The following DZIP1L variants were observed in gnomAD, a reference collection of about 807,000 sequenced individuals.
DZIP1L encodes the protein DAZ interacting zinc finger protein 1 like, also known as cilium assembly protein DZIP1L.
Under a neutral mutation model 88.7 loss-of-function variants are expected in DZIP1L, and 90 were observed. That is an observed-to-expected ratio of 1.02 (90% CI 0.86 to 1.21). The LOEUF (loss-of-function observed/expected upper bound fraction) is 1.21. Ranked by LOEUF, DZIP1L falls within the 50% of genes most tolerant of loss-of-function variation. The pLI is 0.00. For synonymous variants in DZIP1L, 363 were observed against 372.1 expected, an observed-to-expected ratio of 0.98 and a Z score of 0.28; for missense variants, 932 against 955.8, an observed-to-expected ratio of 0.98 and a Z score of 0.33.
chr3:138,102,171 T>TC, intron 2 of DZIP1L: 7 of 1,373,138 alleles, frequency 5.1e-6, no homozygotes, highest in Non-Finnish European at 7.2e-6. Context: ...GTGACTGTTG[T>TC]CCATGGACAG....
At chr3:138,099,145 T>C (rs542880112) in intron 2 of DZIP1L, among the ~76,000 whole-genome samples, 1 of 152,294 alleles carries the variant, frequency 6.6e-6, no homozygotes, top group East Asian at 1.9e-4. Flanking sequence ...TAAAAAAGAA[T>C]GTATATTTGG....
In DZIP1L at chr3:138,095,714, G is replaced by A. The variant is rs568043035; in HGVS notation, c.587-731C>T. Among the ~76,000 whole-genome samples the A allele has an allele frequency of 6.6e-4, 101 of 152,110 alleles. 1 individual carries two copies. Among genetic ancestry groups the A allele is most frequent in the Admixed American group, 2.7e-3 (41 of 15,288 alleles). ...AAAGAATCGCTTGAACCCAGGAGGC[G>A]GAGGTTGCAGTGAGCCGAGATCGCA... On this transcript the variant is annotated intron_variant, in intron 3 of 15. Transcript: ENST00000327532.
intron 13 of DZIP1L, 123 bp from the exon 14 acceptor site, chr3:138,067,823 G>C: frequency 8.5e-7 from 1 of 1,177,280 alleles, no homozygotes; most frequent in Non-Finnish European, 1.1e-6. Flanking sequence ...CCTCCCTCAG[G>C]CCCAGAAGAC....
intron 11 of DZIP1L, among the ~76,000 whole-genome samples, chr3:138,074,132 C>A: frequency 6.6e-6 from 1 of 152,164 alleles, no homozygotes; most frequent in East Asian, 1.9e-4. Context: ...TTGAAAACAT[C>A]TTCGAGGGAA....
intron 1 of DZIP1L, among the ~76,000 whole-genome samples, chr3:138,110,032 A>G (rs1443721013): frequency 2.0e-5 from 3 of 152,242 alleles, no homozygotes; most frequent in Admixed American, 6.5e-5. Flanking sequence ...ATGTATACCT[A>G]TGTAACAAAC....
intron 8 of DZIP1L, among the ~76,000 whole-genome samples, chr3:138,082,929 C>T (rs562124735): frequency 3.2e-4 from 48 of 152,206 alleles, no homozygotes; most frequent in African/African-American, 2.9e-4. Context: ...GAAAGTGAAG[C>T]GGTAAACAAA....
chr3:138,088,193 A>T (rs1944034874), intron 6 of DZIP1L, among the ~76,000 whole-genome samples, 186 bp downstream of exon 6: 2 of 152,208 alleles, frequency 1.3e-5, no homozygotes, highest in South Asian at 4.1e-4. Context: ...CAAATCTGAC[A>T]TTGCACACAT....
rs538574418 is a variant in DZIP1L at position 138,071,779 on chromosome 3, G to T, written c.1479C>A (p.Val493=). The T allele has an allele frequency of 2.8e-5, 45 of 1,614,142 alleles. No individual in the cohort carries two copies. The South Asian group carries it at 4.9e-4, about 18-fold the overall frequency. Residue 493 remains valine (V), a synonymous_variant, in exon 12 of 16, where the codon GTC becomes GTA. Coordinates refer to ENST00000327532, the MANE Select transcript of DZIP1L (RefSeq NM_173543.3). ...TLRHLESLLR[V]QREQKARKFS... ...ACTTCCGGGCCTTCTGCTCCCGCTG[G>T]ACTCTCAGCAGGGATTCCAGGTGTC...
chr3:138,080,958 A>G (rs527775203), intron 9 of DZIP1L, among the ~76,000 whole-genome samples: 1 of 152,256 alleles, frequency 6.6e-6, no homozygotes, highest in African/African-American at 2.4e-5. Context: ...GCACATGTCT[A>G]TTATCAATGG....
Position 138,062,080 on chromosome 3 carries a change from A to G in DZIP1L, c.*736T>C, listed in dbSNP as rs1942737468. ...ATACAATGGCTATGTATAAAACCTG[A>G]TTTTGGAAATAATATCAAAAATTAC... On this transcript the variant is annotated 3_prime_UTR_variant, in exon 16 of 16. Transcript: ENST00000327532. The G allele has an allele frequency of 6.6e-6, 1 of 152,646 alleles. No homozygotes were observed. The highest frequency in any genetic ancestry group is 2.4e-5 in the African/African-American group (1 of 41,448). 9.5% of individuals were successfully genotyped at this position (152,646 alleles called of 1,614,324 possible).
At chr3:138,094,358 A>AAAAAAAG (rs1236811539) in intron 4 of DZIP1L, among the ~76,000 whole-genome samples, 1 of 152,218 alleles carries the variant, frequency 6.6e-6, no homozygotes, top group African/African-American at 2.4e-5. Context: ...CAAAACACAC[A>AAAAAAAG]AAAAAAGAAG....
intron 1 of DZIP1L, among the ~76,000 whole-genome samples, chr3:138,106,172 A>G (rs2042483013): frequency 9.0e-6 from 1 of 111,566 alleles, no homozygotes; most frequent in Non-Finnish European, 1.6e-5. Context: ...AGTGTCTCGC[A>G]CTGTCGCCCA....
chr3:138,090,926 C>T (rs1944188918), intron 5 of DZIP1L, among the ~76,000 whole-genome samples: 1 of 151,340 alleles, frequency 6.6e-6, no homozygotes, highest in Non-Finnish European at 1.5e-5. Context: ...CTCTGTCACC[C>T]AGGCAGGGGT....
chr3:138,098,685 A>G (rs1285973476), intron 2 of DZIP1L, among the ~76,000 whole-genome samples: 2 of 152,192 alleles, frequency 1.3e-5, no homozygotes, highest in African/African-American at 4.8e-5. Flanking sequence ...AATGAGAATA[A>G]ACACTCTATG....
At chr3:138,100,766 T>C (rs2042277058) in intron 2 of DZIP1L, among the ~76,000 whole-genome samples, 1 of 152,244 alleles carries the variant, frequency 6.6e-6, no homozygotes, top group East Asian at 1.9e-4. Context: ...CTTAAAAACC[T>C]GAACCAGCAT....
intron 12 of DZIP1L, among the ~76,000 whole-genome samples, chr3:138,068,654 A>T (rs146018161): frequency 1.5e-4 from 23 of 152,194 alleles, no homozygotes; most frequent in Non-Finnish European, 2.5e-4. Flanking sequence ...GGGCCTGAAG[A>T]GGGGCTCAGT....
At chr3:138,109,989 T>C (rs775350059) in intron 1 of DZIP1L, among the ~76,000 whole-genome samples, 3 of 152,064 alleles carry the variant, frequency 2.0e-5, no homozygotes, top group Non-Finnish European at 4.4e-5. Flanking sequence ...AAAACCTAGA[T>C]GACGGGTTCA....
chr3:138,071,618 T>C (rs770298935), intron 12 of DZIP1L, 25 bp downstream of exon 12: 3 of 1,601,702 alleles, frequency 1.9e-6, no homozygotes, highest in South Asian at 2.2e-5. Context: ...GTCACAGCCC[T>C]GAGCAAGCCC....
intron 1 of DZIP1L, among the ~76,000 whole-genome samples, chr3:138,107,679 C>T (rs78067520): frequency 0.029 from 4,410 of 152,220 alleles, 228 homozygotes; most frequent in African/African-American, 0.1. Flanking sequence ...GATTATCATC[C>T]TTTATCCCTT....
Sources: gnomAD v4.1 joint callset for allele counts (sites outside exome capture counted in the v4.1 genomes callset) on GRCh38, gnomAD v4.1.1 for gene constraint, MANE v1.5 for transcripts, NCBI Gene and HGNC (gene_info 2026-07-23, HGNC 2026-07-21) for gene names.